The following KSR2 variants were observed in gnomAD, a reference collection of about 807,000 sequenced individuals.
KSR2 encodes the protein kinase suppressor of ras 2.
In KSR2, 25 loss-of-function variants were observed where a neutral mutation model predicts 107.8. The ratio of observed to expected loss-of-function variants is 0.23; its 90% confidence interval spans 0.17 to 0.32. The LOEUF (loss-of-function observed/expected upper bound fraction) is 0.32, where lower values mean the gene tolerates loss of function less well. Ranked by LOEUF, KSR2 falls within the 10% of genes least tolerant of loss-of-function variation. The pLI is 1.00. For missense variants in KSR2, 887 were observed against 1,268.9 expected, an observed-to-expected ratio of 0.70 and a Z score of 4.57; for synonymous variants, 480 against 507.0, an observed-to-expected ratio of 0.95 and a Z score of 0.71.
intron 5 of KSR2, among the ~76,000 whole-genome samples, chr12:117,666,743 C>T (rs1484251868): frequency 3.9e-5 from 6 of 152,214 alleles, no homozygotes; most frequent in African/African-American, 1.2e-4. Context: ...CCTTCCTTCT[C>T]TTGAGCAACC....
rs866509668 is a variant in KSR2 at position 117,816,719 on chromosome 12, G to A, written c.472+38709C>T. 2.6e-5 allele frequency among the ~76,000 whole-genome samples: 4 copies of A among 152,268 alleles called. No individual in the cohort carries two copies. The South Asian group carries it at 6.2e-4, about 24-fold the overall frequency. ...AGTGCACAGCACAGAAACTGACCCA[G>A]GCTAACAGCTGCGTCCACTGAGTGT... On this transcript the variant is annotated intron_variant, in intron 3 of 19. Transcript: ENST00000339824.
chr12:117,767,443 GA>G (rs545769158), intron 3 of KSR2, among the ~76,000 whole-genome samples: 1 of 142,488 alleles, frequency 7.0e-6, no homozygotes, highest in Non-Finnish European at 1.5e-5. Flanking sequence ...GTCTCAAAAG[GA>G]AAAAAAAGAG....
chr12:117,556,876 A>C (rs1877738173), intron 8 of KSR2, among the ~76,000 whole-genome samples: 1 of 152,206 alleles, frequency 6.6e-6, no homozygotes, highest in Admixed American at 6.5e-5. Flanking sequence ...ATTTAAAAAT[A>C]AGCATATGGG....
chr12:117,572,521 A>G (rs1878958653), intron 7 of KSR2, among the ~76,000 whole-genome samples: 1 of 151,736 alleles, frequency 6.6e-6, no homozygotes, highest in African/African-American at 2.4e-5. Context: ...TCACCCTCAT[A>G]CCCCGAGTGG....
chr12:117,963,439 A>T (rs1896712834), intron 1 of KSR2, among the ~76,000 whole-genome samples: 1 of 151,914 alleles, frequency 6.6e-6, no homozygotes. Flanking sequence ...GTCTCTATTT[A>T]AAAAATACAA....
chr12:117,803,487 G>A (rs1890905459), intron 3 of KSR2, among the ~76,000 whole-genome samples: 1 of 152,136 alleles, frequency 6.6e-6, no homozygotes, highest in African/African-American at 2.4e-5. Flanking sequence ...CGGATCACGA[G>A]GTCAGGAGAT....
At chr12:117,704,688 T>C (rs1485507561) in intron 4 of KSR2, among the ~76,000 whole-genome samples, 1 of 151,934 alleles carries the variant, frequency 6.6e-6, no homozygotes. Flanking sequence ...TGAAACCCCA[T>C]CTCTACTAAA....
At position 117,465,470 on chromosome 12, in the gene KSR2, C is replaced by T. The variant is rs1423012933; in HGVS notation, c.*1729G>A. The T allele has an allele frequency of 6.6e-6, 1 of 152,136 alleles. No homozygotes were observed. The highest frequency in any genetic ancestry group is 1.5e-5 in the Non-Finnish European group (1 of 68,052). The allele number at this position is 152,136 out of a possible 1,614,324, so 9.4% of individuals were successfully genotyped here. A position where few individuals can be genotyped will look rare whatever the true frequency, so the allele number is the denominator to read the frequency against. On this transcript the variant is annotated 3_prime_UTR_variant, in exon 20 of 20. Transcript: ENST00000339824. ...GGGAAACACAGGGGTTTCCTGTAGC[C>T]AGGCTCCTGGGAAGCATGACTGATC...
intron 14 of KSR2, among the ~76,000 whole-genome samples, chr12:117,524,438 G>C (rs1874970489): frequency 6.6e-6 from 1 of 152,160 alleles, no homozygotes; most frequent in Admixed American, 6.5e-5. Flanking sequence ...GGTCAAGGCA[G>C]GAGGATTGCT....
chr12:117,905,217 T>C (rs1256566625), intron 1 of KSR2, among the ~76,000 whole-genome samples: 1 of 151,924 alleles, frequency 6.6e-6, no homozygotes, highest in Non-Finnish European at 1.5e-5. Context: ...AAACAAAATA[T>C]AATGTGTATT....
chr12:117,466,975 G>A lies in KSR2; in HGVS notation c.*224C>T. ...GATCAATAACGCATCACCCTGGCTG[G>A]TCCGGTTCAGTCCTAGCTCGGGGGT... On this transcript the variant is annotated 3_prime_UTR_variant, in exon 20 of 20. Transcript: ENST00000339824. The A allele has an allele frequency of 2.2e-6, 1 of 460,354 alleles. No homozygotes were observed. Among genetic ancestry groups the A allele is most frequent in the African/African-American group, 2.0e-5 (1 of 49,268 alleles). The allele number at this position is 460,354 out of a possible 1,614,324, so 28.5% of individuals were successfully genotyped here.
chr12:117,622,485 G>C (rs767433846), intron 5 of KSR2, among the ~76,000 whole-genome samples: 20 of 152,226 alleles, frequency 1.3e-4, no homozygotes, highest in African/African-American at 4.6e-4. Flanking sequence ...TGCAATTTGA[G>C]TGTTGTGCAA....
chr12:117,624,158 T>TC (rs990298043), intron 5 of KSR2, among the ~76,000 whole-genome samples: 39 of 152,366 alleles, frequency 2.6e-4, no homozygotes, highest in African/African-American at 9.1e-4. Context: ...GCAAAAATTT[T>TC]CTCCCATTTT....
intron 4 of KSR2, among the ~76,000 whole-genome samples, chr12:117,731,729 C>T (rs489618): frequency 4.6e-5 from 7 of 150,964 alleles, no homozygotes; most frequent in African/African-American, 7.3e-5. Context: ...TGATCTGTGA[C>T]CTTACCCCCA....
At chr12:117,791,445 T>G (rs759368399) in intron 3 of KSR2, among the ~76,000 whole-genome samples, 38 of 152,222 alleles carry the variant, frequency 2.5e-4, no homozygotes, top group Non-Finnish European at 5.6e-4. Flanking sequence ...AAGCAGAAAC[T>G]TTGTCTATCT....
intron 1 of KSR2, among the ~76,000 whole-genome samples, chr12:117,901,982 T>G (rs2137396712): frequency 6.6e-6 from 1 of 152,348 alleles, no homozygotes; most frequent in East Asian, 1.9e-4. Flanking sequence ...ATATGACTTC[T>G]TGGCTCTAGG....
At position 117,907,229 on chromosome 12, in the gene KSR2, C is replaced by T. The variant is rs759815683; in HGVS notation, c.181-46798G>A. Among the ~76,000 whole-genome samples, 4 of 152,206 alleles carry T rather than the reference C, an allele frequency of 2.6e-5. No individual in the cohort carries two copies. Among genetic ancestry groups the T allele is most frequent in the Non-Finnish European group, 4.4e-5 (3 of 68,032 alleles). On this transcript the variant is annotated intron_variant, in intron 1 of 19. Transcript: ENST00000339824. The surrounding 1 kb of genome is among the most constrained non-coding windows in gnomAD (Gnocchi z 4.3). ...ACAGCACCAAGATTCACACCTGGTT[C>T]TTTCTGACCCAATGTCTAGATGAGC... is the stretch of plus-strand genomic sequence containing the variant.
chr12:117,558,590 G>C lies in KSR2; in HGVS notation c.1326-17C>G. Reference sequence around the variant, plus strand: ...CACTTTAACCTGAGAAAGATAAAGAGAGAGAAAGATGGATAGGTGAATGGC... The same window carrying C: ...CACTTTAACCTGAGAAAGATAAAGACAGAGAAAGATGGATAGGTGAATGGC... On this transcript the variant is annotated splice_polypyrimidine_tract_variant and intron_variant, in intron 7 of 19. Transcript: ENST00000339824. 6.2e-7 allele frequency: 1 copy of C among 1,609,310 alleles called. No homozygotes were observed. Among genetic ancestry groups the C allele is most frequent in the Non-Finnish European group, 8.5e-7 (1 of 1,175,684 alleles).
rs531939932 is a variant in KSR2 at position 117,607,496 on chromosome 12, C to T, written c.1172-25137G>A. Among the ~76,000 whole-genome samples, 131 of 152,290 alleles carry T rather than the reference C, an allele frequency of 8.6e-4. 2 individuals are homozygous for T. In the South Asian group the frequency reaches 0.026, roughly 30 times the overall value. ...CACTGCCCTCCATCCCATCAGCCAG[C>T]GCTGGAGCTGGGAACCCTGGACTCT... is the stretch of plus-strand genomic sequence containing the variant. On this transcript the variant is annotated intron_variant, in intron 5 of 19. Transcript: ENST00000339824.
Sources: allele counts gnomAD v4.1 joint callset (sites outside exome capture counted in the v4.1 genomes callset), GRCh38; gene constraint gnomAD v4.1.1; non-coding constraint Gnocchi (gnomAD v3.1); transcripts MANE v1.5; gene names NCBI Gene and HGNC (gene_info 2026-07-23, HGNC 2026-07-21).